Variants in CWF19L2 observed in about 807,000 individuals in gnomAD.
CWF19L2 encodes the protein CWF19 like cell cycle control factor 2.
In CWF19L2, 98 loss-of-function variants were observed where a neutral mutation model predicts 111.7. The ratio of observed to expected loss-of-function variants is 0.88; its 90% CI spans 0.75 to 1.04. CWF19L2 has a LOEUF of 1.04. Among genes scored for constraint, CWF19L2 ranks in the 50% least tolerant of loss-of-function variants. The pLI, the probability that CWF19L2 is intolerant of heterozygous loss-of-function variation, is 0.00. For missense variants in CWF19L2, 1,101 were observed against 1,051.4 expected (o/e 1.05, Z -0.65); for synonymous variants, 351 against 342.9 (o/e 1.02, Z -0.26).
chr11:107,339,691 A>C (rs1262519634), intron 14 of CWF19L2, among the ~76,000 whole-genome samples: 1 of 125,252 alleles, frequency 8.0e-6, no homozygotes, highest in Non-Finnish European at 1.6e-5. Flanking sequence ...TTTGAGATGG[A>C]GTCTCGCTCT....
chr11:107,375,533 A>G lies in CWF19L2; in HGVS notation c.1872+14541T>C, dbSNP rs1324479360. ...CTCCTGAATGACTACTGGGTACATAACGAAATGAAGGCAGAAATAAAGATG... is the reference window on the plus strand; with the variant it reads ...CTCCTGAATGACTACTGGGTACATAGCGAAATGAAGGCAGAAATAAAGATG... On this transcript the variant is annotated intron_variant, in intron 12 of 17. Coordinates refer to ENST00000282251, the MANE Select transcript of CWF19L2 (RefSeq NM_152434.3). Among the ~76,000 whole-genome samples, 7 of 137,944 alleles carry G rather than the reference A, an allele frequency of 5.1e-5. No individual in the cohort carries two copies. The East Asian group carries it at 1.1e-3, about 21-fold the overall frequency. The allele number at this position is 137,944 out of a possible 152,430, so 90.5% of individuals were successfully genotyped here.
At chr11:107,405,698 G>C (rs1244975550) in intron 10 of CWF19L2, among the ~76,000 whole-genome samples, 1 of 152,016 alleles carries the variant, frequency 6.6e-6, no homozygotes, top group African/African-American at 2.4e-5. Flanking sequence ...CCCTAGGATG[G>C]CCACAGCTTT....
At position 107,370,856 on chromosome 11, in the gene CWF19L2, T is replaced by C. The variant is rs566349519; in HGVS notation, c.1873-17120A>G. ...AGCATTATAACTAATTCCTGTCATC[T>C]GTGTTTTGTAATATAGATAATTTAA... On this transcript the variant is annotated intron_variant, in intron 12 of 17. Coordinates refer to ENST00000282251, the MANE Select transcript of CWF19L2 (RefSeq NM_152434.3). Among the ~76,000 whole-genome samples the C allele has an allele frequency of 4.7e-4, 65 of 138,328 alleles. 11 individuals carry two copies. The highest frequency in any genetic ancestry group is 3.7e-3 in the Middle Eastern group (1 of 268). 90.7% of individuals were successfully genotyped at this position (138,328 alleles called of 152,430 possible).
At chr11:107,434,210 A>G (rs530227753) in intron 6 of CWF19L2, among the ~76,000 whole-genome samples, 1 of 151,970 alleles carries the variant, frequency 6.6e-6, no homozygotes, top group African/African-American at 2.4e-5. Flanking sequence ...GGACACACAG[A>G]GAAAGGGAGA....
At chr11:107,432,767 A>G (rs1861482500) in intron 7 of CWF19L2, among the ~76,000 whole-genome samples, 1 of 152,256 alleles carries the variant, frequency 6.6e-6, no homozygotes, top group Non-Finnish European at 1.5e-5. Flanking sequence ...ATCTGGCAAT[A>G]TGTACCTTGC....
At chr11:107,361,799 C>T (rs1860343098) in intron 12 of CWF19L2, among the ~76,000 whole-genome samples, 1 of 152,120 alleles carries the variant, frequency 6.6e-6, no homozygotes, top group Non-Finnish European at 1.5e-5. Context: ...AGAAATGCTA[C>T]TGGAAGATGT....
chr11:107,428,699 G>T, intron 8 of CWF19L2, 100 bp downstream of exon 8: 1 of 921,434 alleles, frequency 1.1e-6, no homozygotes. Flanking sequence ...TAAGAAATGT[G>T]AGATCATAGT....
chr11:107,412,844 A>G (rs1465464977), intron 10 of CWF19L2, among the ~76,000 whole-genome samples: 1 of 152,252 alleles, frequency 6.6e-6, no homozygotes, highest in Non-Finnish European at 1.5e-5. Flanking sequence ...AAAGACAGAC[A>G]GGAATCTTAA....
chr11:107,399,418 A>C (rs1860969235), intron 10 of CWF19L2, among the ~76,000 whole-genome samples: 2 of 152,228 alleles, frequency 1.3e-5, no homozygotes, highest in South Asian at 4.1e-4. Flanking sequence ...GAGGAGGAGT[A>C]GCTATTCTTA....
At chr11:107,359,207 G>A (rs911118292) in intron 12 of CWF19L2, among the ~76,000 whole-genome samples, 2 of 152,180 alleles carry the variant, frequency 1.3e-5, no homozygotes, top group African/African-American at 4.8e-5. Flanking sequence ...CCCTCTAGCA[G>A]CAAGGTGAAT....
intron 13 of CWF19L2, among the ~76,000 whole-genome samples, chr11:107,351,472 T>C (rs911784448): frequency 6.6e-6 from 1 of 152,062 alleles, no homozygotes; most frequent in African/African-American, 2.4e-5. Context: ...GAAAAGTAGG[T>C]TGGATACATG....
intron 14 of CWF19L2, among the ~76,000 whole-genome samples, chr11:107,337,816 G>GA (rs1422356395): frequency 6.6e-6 from 1 of 152,120 alleles, no homozygotes; most frequent in African/African-American, 2.4e-5. Context: ...AGATTTGTCA[G>GA]CTTGATTTAT....
intron 12 of CWF19L2, among the ~76,000 whole-genome samples, chr11:107,378,406 G>A (rs1338005943): frequency 6.6e-6 from 1 of 151,614 alleles, no homozygotes; most frequent in Non-Finnish European, 1.5e-5. Flanking sequence ...AGAAAATGTG[G>A]CACATATACA....
intron 12 of CWF19L2, among the ~76,000 whole-genome samples, chr11:107,360,024 T>C (rs1252994277): frequency 1.3e-5 from 2 of 152,254 alleles, no homozygotes; most frequent in African/African-American, 4.8e-5. Flanking sequence ...GATTGCATAG[T>C]GATGAAGTCA....
intron 8 of CWF19L2, among the ~76,000 whole-genome samples, chr11:107,420,049 T>C (rs1861282360): frequency 6.6e-6 from 1 of 151,140 alleles, no homozygotes; most frequent in African/African-American, 2.4e-5. Flanking sequence ...AAAAAATATA[T>C]AGCAACCAAG....
chr11:107,414,069 G>A (rs1383766528), intron 10 of CWF19L2, among the ~76,000 whole-genome samples: 1 of 152,172 alleles, frequency 6.6e-6, no homozygotes, highest in African/African-American at 2.4e-5. Flanking sequence ...TTAGCCCTCT[G>A]TGCCTCAGTT....
At chr11:107,364,432 T>A (rs1375073178) in intron 12 of CWF19L2, among the ~76,000 whole-genome samples, 1 of 148,364 alleles carries the variant, frequency 6.7e-6, no homozygotes, top group East Asian at 2.0e-4. Context: ...AGTAAAGCTC[T>A]CCTCAGCAAA....
At chr11:107,330,375 T>C (rs1369456899) in intron 16 of CWF19L2, among the ~76,000 whole-genome samples, 2 of 152,150 alleles carry the variant, frequency 1.3e-5, no homozygotes, top group African/African-American at 4.8e-5. Context: ...TGCCTTCTTG[T>C]ATTCCACTCA....
At chr11:107,389,883 C>T (rs1860822630) in intron 12 of CWF19L2, among the ~76,000 whole-genome samples, 191 bp downstream of exon 12, 1 of 152,124 alleles carries the variant, frequency 6.6e-6, no homozygotes, top group African/African-American at 2.4e-5. Context: ...TAAAAACAAA[C>T]AACATTTCAA....
Sources: gnomAD v4.1 joint callset for allele counts (sites outside exome capture counted in the v4.1 genomes callset) on GRCh38, gnomAD v4.1.1 for gene constraint, MANE v1.5 for transcripts, NCBI Gene and HGNC (gene_info 2026-07-23, HGNC 2026-07-21) for gene names.